Variants in PRKG1 observed in about 807,000 individuals in gnomAD.
PRKG1 encodes cGMP-dependent protein kinase 1.
Under a neutral mutation model 88.1 loss-of-function variants are expected in PRKG1, and 35 were observed. The observed-to-expected ratio is 0.40, with a 90% confidence interval of 0.30 to 0.53. The LOEUF is 0.53. PRKG1 is among the 20% of genes least tolerant of loss of function. PRKG1 has a pLI of 0.59. For missense variants in PRKG1, 540 were observed against 839.8 expected (o/e 0.64, Z 4.41); for synonymous variants, 303 against 292.5 (o/e 1.04, Z -0.37).
At chr10:51,439,341 A>C (rs1028311531) in intron 2 of PRKG1, among the ~76,000 whole-genome samples, 1 of 151,906 alleles carries the variant, frequency 6.6e-6, no homozygotes, top group African/African-American at 2.4e-5. Flanking sequence ...AAAATGAAAT[A>C]AAAGATGTGA....
At chr10:51,043,039 C>T (rs143416781) in intron 1 of PRKG1, among the ~76,000 whole-genome samples, 118 of 152,284 alleles carry the variant, frequency 7.7e-4, no homozygotes, top group African/African-American at 2.3e-3. Context: ...TTATAAACCA[C>T]TCCCTTTATG....
At chr10:51,376,088 T>C (rs1365510397) in intron 2 of PRKG1, among the ~76,000 whole-genome samples, 1 of 152,152 alleles carries the variant, frequency 6.6e-6, no homozygotes, top group Non-Finnish European at 1.5e-5. Context: ...TAATCTAGAA[T>C]CTTGGATTAA....
At chr10:51,544,294 G>C (rs71508084) in intron 3 of PRKG1, among the ~76,000 whole-genome samples, 70,964 of 148,782 alleles carry the variant, frequency 0.48, 17,406 homozygotes, top group African/African-American at 0.54. Flanking sequence ...CTATGAGTGA[G>C]AACATGCGGT....
intron 1 of PRKG1, among the ~76,000 whole-genome samples, chr10:51,110,381 CT>C (rs1417739672): frequency 1.3e-5 from 2 of 152,094 alleles, no homozygotes; most frequent in African/African-American, 4.8e-5. Flanking sequence ...AAGCAATAAG[CT>C]GCTGATGCAC....
chr10:51,280,664 T>G (rs943194970), intron 2 of PRKG1, among the ~76,000 whole-genome samples: 3 of 152,254 alleles, frequency 2.0e-5, no homozygotes, highest in Non-Finnish European at 2.9e-5. Context: ...AATTGGCTAC[T>G]GAAACTTGTG....
intron 1 of PRKG1, among the ~76,000 whole-genome samples, chr10:51,101,615 C>T (rs895374819): frequency 1.3e-5 from 2 of 152,144 alleles, no homozygotes; most frequent in Non-Finnish European, 2.9e-5. Context: ...CATATTTCCA[C>T]TCCTTCCCCA....
chr10:51,488,756 G>A (rs182666171), intron 3 of PRKG1, among the ~76,000 whole-genome samples: 1 of 152,040 alleles, frequency 6.6e-6, no homozygotes, highest in African/African-American at 2.4e-5. Flanking sequence ...TGGGAGCCCC[G>A]CAGAGGGCTT....
chr10:51,755,095 G>A (rs993923607), intron 3 of PRKG1, among the ~76,000 whole-genome samples: 4 of 151,280 alleles, frequency 2.6e-5, no homozygotes, highest in African/African-American at 4.9e-5. Flanking sequence ...TATGGAATAA[G>A]AGCCAATTTA....
intron 2 of PRKG1, chr10:51,299,508 T>C (rs939655420): frequency 2.1e-6 from 1 of 465,176 alleles, no homozygotes; most frequent in African/African-American, 2.0e-5. Context: ...GCCCCGCCTC[T>C]TTTTGCTCAT....
chr10:51,096,236 C>T (rs185143010), intron 1 of PRKG1, among the ~76,000 whole-genome samples: 28 of 152,170 alleles, frequency 1.8e-4, no homozygotes, highest in South Asian at 4.2e-4. Context: ...CGATCCAGGA[C>T]TCTGTGTAAT....
intron 2 of PRKG1, among the ~76,000 whole-genome samples, chr10:51,456,422 C>A (rs1839587197): frequency 1.3e-5 from 2 of 152,094 alleles, no homozygotes; most frequent in South Asian, 4.1e-4. Context: ...TCATCTCTCA[C>A]CTTATACAAA....
chr10:52,276,546 A>T (rs1315181720), intron 12 of PRKG1, among the ~76,000 whole-genome samples: 1 of 152,102 alleles, frequency 6.6e-6, no homozygotes, highest in Non-Finnish European at 1.5e-5. Flanking sequence ...ATAACCTTCT[A>T]TTTCTCTCAA....
At chr10:51,460,881 T>G (rs1839726849) in intron 2 of PRKG1, among the ~76,000 whole-genome samples, 1 of 152,178 alleles carries the variant, frequency 6.6e-6, no homozygotes, top group Admixed American at 6.5e-5. Context: ...ATATTAAAAT[T>G]GCTTAAATTT....
chr10:52,262,333 A>T (rs1157046396), intron 10 of PRKG1, among the ~76,000 whole-genome samples: 1 of 151,970 alleles, frequency 6.6e-6, no homozygotes, highest in African/African-American at 2.4e-5. Context: ...GTACAGTGGT[A>T]CAATCTTGGC....
chr10:52,048,833 A>G (rs1339608991), intron 5 of PRKG1, among the ~76,000 whole-genome samples: 1 of 152,048 alleles, frequency 6.6e-6, no homozygotes, highest in African/African-American at 2.4e-5. Context: ...CTGATTTATA[A>G]CTCCGTTTTC....
intron 5 of PRKG1, among the ~76,000 whole-genome samples, chr10:51,979,346 G>A (rs1843933114): frequency 7.0e-6 from 1 of 142,836 alleles, no homozygotes; most frequent in Non-Finnish European, 1.5e-5. Context: ...ATGTGCTGCT[G>A]GATTTGGTTT....
At chr10:51,250,866 C>G (rs1173231134) in intron 2 of PRKG1, among the ~76,000 whole-genome samples, 1 of 151,664 alleles carries the variant, frequency 6.6e-6, no homozygotes, top group African/African-American at 2.4e-5. Flanking sequence ...TCTATGCCTT[C>G]CAGCCCTACA....
At chr10:51,456,499 CAT>C (rs773883952) in intron 2 of PRKG1, among the ~76,000 whole-genome samples, 1 of 151,308 alleles carries the variant, frequency 6.6e-6, no homozygotes, top group Non-Finnish European at 1.5e-5. Flanking sequence ...TAGAAAATAA[CAT>C]AGGAAAAAAA....
chr10:51,697,217 AT>A (rs1339609097), intron 3 of PRKG1: 1 of 155,148 alleles, frequency 6.4e-6, no homozygotes, highest in Non-Finnish European at 1.4e-5. Context: ...CCAAAATAGG[AT>A]TTTGTATTTT....
Sources: gnomAD v4.1 joint callset for allele counts (sites outside exome capture counted in the v4.1 genomes callset) on GRCh38, gnomAD v4.1.1 for gene constraint, MANE v1.5 for transcripts, NCBI Gene and HGNC (gene_info 2026-07-23, HGNC 2026-07-21) for gene names.